The following RALGPS1 variants were observed in gnomAD, a reference collection of about 807,000 sequenced individuals.
The protein encoded by RALGPS1 is Ral GEF with PH domain and SH3 binding motif 1.
In RALGPS1, 19 loss-of-function variants were observed where a neutral mutation model predicts 78.8. The observed-to-expected ratio is 0.24, with a 90% CI of 0.17 to 0.35. The LOEUF is 0.35. RALGPS1 is among the 10% of genes least tolerant of loss of function. The probability of loss-of-function intolerance (pLI) is 1.00; values close to 1 mark genes in which losing one functional copy is unlikely to be tolerated. For synonymous variants in RALGPS1, 228 were observed against 256.3 expected, an observed-to-expected ratio of 0.89 and a Z score of 1.06; for missense variants, 454 against 688.3, an observed-to-expected ratio of 0.66 and a Z score of 3.81.
intron 2 of RALGPS1, among the ~76,000 whole-genome samples, chr9:126,964,953 G>T (rs558391487): frequency 1.1e-4 from 16 of 152,260 alleles, no homozygotes; most frequent in Non-Finnish European, 2.4e-4. Context: ...ATCCTTCTTC[G>T]TGAGCTGAGA....
chr9:127,018,753 T>C (rs1045725661), intron 4 of RALGPS1, among the ~76,000 whole-genome samples: 8 of 152,078 alleles, frequency 5.3e-5, no homozygotes, highest in Middle Eastern at 3.2e-3. Flanking sequence ...CTGTATATAA[T>C]TGTATGTGCT....
At chr9:127,132,241 C>T (rs1406428710) in intron 8 of RALGPS1, among the ~76,000 whole-genome samples, 1 of 152,194 alleles carries the variant, frequency 6.6e-6, no homozygotes, top group East Asian at 1.9e-4. Context: ...ATTGTGATGT[C>T]TGAATGTGAA....
At chr9:126,921,430 A>G (rs917025520) in intron 1 of RALGPS1, among the ~76,000 whole-genome samples, 15 of 152,246 alleles carry the variant, frequency 9.9e-5, no homozygotes, top group African/African-American at 3.4e-4. Context: ...TGCACTGATC[A>G]TTCCATGACT....
chr9:127,214,915 A>G, intron 18 of RALGPS1, 73 bp downstream of exon 18: 1 of 1,594,892 alleles, frequency 6.3e-7, no homozygotes, highest in Non-Finnish European at 8.5e-7. Context: ...TCTTTAGAAA[A>G]CAGGGTTCCC....
At chr9:126,950,589 C>A (rs2037716867) in intron 1 of RALGPS1, among the ~76,000 whole-genome samples, 1 of 151,776 alleles carries the variant, frequency 6.6e-6, no homozygotes, top group South Asian at 2.1e-4. Context: ...GAAATGAAGG[C>A]AGAAATAAAG....
chr9:126,958,156 TATAC>T (rs1401317587), intron 1 of RALGPS1, among the ~76,000 whole-genome samples: 4 of 110,228 alleles, frequency 3.6e-5, no homozygotes, highest in South Asian at 3.7e-4. Flanking sequence ...TATATATATA[TATAC>T]ACACACACAC....
At chr9:126,967,775 T>G (rs1326689593) in intron 3 of RALGPS1, among the ~76,000 whole-genome samples, 1 of 152,100 alleles carries the variant, frequency 6.6e-6, no homozygotes, top group Non-Finnish European at 1.5e-5. Flanking sequence ...TGGACTCAAG[T>G]GATCCTTCCA....
chr9:127,072,703 T>C (rs920083943), intron 8 of RALGPS1, among the ~76,000 whole-genome samples: 1 of 152,260 alleles, frequency 6.6e-6, no homozygotes, highest in African/African-American at 2.4e-5. Flanking sequence ...GTTCAAATTA[T>C]AAATTTTTGA....
chr9:127,041,045 G>GTGTGTGTGTGTC (rs1554802066), intron 5 of RALGPS1, among the ~76,000 whole-genome samples: 1 of 151,110 alleles, frequency 6.6e-6, no homozygotes, highest in Non-Finnish European at 1.5e-5. Flanking sequence ...GTGTGTGTGT[G>GTGTGTGTGTGTC]TGTGTGTGTG....
intron 10 of RALGPS1, among the ~76,000 whole-genome samples, chr9:127,173,035 C>G (rs1588318896): frequency 1.3e-5 from 2 of 152,118 alleles, no homozygotes; most frequent in African/African-American, 4.8e-5. Flanking sequence ...GGGGGGAAAC[C>G]CTTACTGCTA....
Position 127,178,136 on chromosome 9 carries a change from G to C in RALGPS1, c.910+3354G>C, listed in dbSNP as rs536506873. ...GCTGAGTTCTGGAGGATGATTGGCTGTGCAGGGTCTGTGGGCAGGGAGGGG... is the reference window on the plus strand; with the variant it reads ...GCTGAGTTCTGGAGGATGATTGGCTCTGCAGGGTCTGTGGGCAGGGAGGGG... On this transcript the variant is annotated intron_variant, in intron 11 of 18. Coordinates refer to ENST00000259351, the MANE Select transcript of RALGPS1 (RefSeq NM_014636.3). 128 of 829,552 alleles carry C rather than the reference G, an allele frequency of 1.5e-4. No individual in the cohort carries two copies. In the South Asian group the frequency reaches 1.8e-3, roughly 12 times the overall value. 51.4% of individuals were successfully genotyped at this position (829,552 alleles called of 1,614,324 possible). A position where few individuals can be genotyped will look rare whatever the true frequency, so the allele number is the denominator to read the frequency against.
At chr9:127,164,977 A>G (rs1284582453) in intron 8 of RALGPS1, among the ~76,000 whole-genome samples, 4 of 152,278 alleles carry the variant, frequency 2.6e-5, no homozygotes, top group Admixed American at 6.5e-5. Flanking sequence ...GCCTCCCTCT[A>G]TGGTTGTGTT....
chr9:127,108,234 T>C, intron 8 of RALGPS1: 1 of 1,614,052 alleles, frequency 6.2e-7, no homozygotes. Context: ...GCATGTCGGC[T>C]GTCTGGTTCA....
intron 3 of RALGPS1, among the ~76,000 whole-genome samples, chr9:126,974,255 C>CA (rs1214189043): frequency 2.0e-5 from 3 of 152,188 alleles, no homozygotes; most frequent in Non-Finnish European, 2.9e-5. Context: ...AGGAACAGAA[C>CA]AGTTCCTAGG....
At chr9:127,067,629 A>C (rs1166251086) in intron 7 of RALGPS1, among the ~76,000 whole-genome samples, 2 of 152,234 alleles carry the variant, frequency 1.3e-5, no homozygotes, top group Non-Finnish European at 2.9e-5. Flanking sequence ...GGCCTACGTC[A>C]GTCTGATGGA....
At chr9:126,923,847 T>C (rs2035010067) in intron 1 of RALGPS1, among the ~76,000 whole-genome samples, 1 of 152,226 alleles carries the variant, frequency 6.6e-6, no homozygotes, top group Non-Finnish European at 1.5e-5. Context: ...TTGGTAAGAT[T>C]AGAAGTTACT....
At chr9:127,132,650 G>C (rs1197464550) in intron 8 of RALGPS1, among the ~76,000 whole-genome samples, 1 of 152,230 alleles carries the variant, frequency 6.6e-6, no homozygotes, top group Non-Finnish European at 1.5e-5. Flanking sequence ...GAGTCAGAGG[G>C]ACCTGGGTTT....
At chr9:126,990,112 T>C (rs2042154545) in intron 4 of RALGPS1, 2 of 1,265,252 alleles carry the variant, frequency 1.6e-6, no homozygotes, top group Admixed American at 2.4e-5. Flanking sequence ...TCTTTGCTGC[T>C]CCTTGGAATC....
chr9:127,182,368 TCCTCCCTCCCTCCCTC>T (rs1187350551), intron 11 of RALGPS1, among the ~76,000 whole-genome samples: 24 of 66,854 alleles, frequency 3.6e-4, no homozygotes, highest in African/African-American at 1.4e-3. Flanking sequence ...CTTCCTTCCT[TCCTCCCTCCCTCCCTC>T]CCTCCCTCCC....
Sources: gnomAD v4.1 joint callset for allele counts (sites outside exome capture counted in the v4.1 genomes callset) on GRCh38, gnomAD v4.1.1 for gene constraint, MANE v1.5 for transcripts, NCBI Gene and HGNC (gene_info 2026-07-23, HGNC 2026-07-21) for gene names.